Variants in CACNA2D3 observed in about 807,000 individuals in gnomAD.
CACNA2D3 encodes the protein calcium voltage-gated channel auxiliary subunit alpha2delta 3.
In CACNA2D3, 60 loss-of-function variants were observed where a neutral mutation model predicts 160.6. The observed-to-expected ratio is 0.37, with a 90% confidence interval of 0.30 to 0.46. CACNA2D3 has a LOEUF of 0.46. Ranked by LOEUF, CACNA2D3 falls within the 20% of genes least tolerant of loss-of-function variation. The pLI is 1.00. For synonymous variants in CACNA2D3, 558 were observed against 492.9 expected, an observed-to-expected ratio of 1.13 and a Z score of -1.75; for missense variants, 1,205 against 1,365.0, an observed-to-expected ratio of 0.88 and a Z score of 1.85.
At chr3:54,740,504 G>T (rs1701628394) in intron 11 of CACNA2D3, among the ~76,000 whole-genome samples, 1 of 152,044 alleles carries the variant, frequency 6.6e-6, no homozygotes, top group Admixed American at 6.6e-5. Context: ...GTCCCTGGAA[G>T]GGCAAGAGGT....
At chr3:54,572,940 T>C (rs538046641) in intron 8 of CACNA2D3, among the ~76,000 whole-genome samples, 9 of 152,316 alleles carry the variant, frequency 5.9e-5, no homozygotes, top group African/African-American at 2.2e-4. Flanking sequence ...ATTGAAATAA[T>C]CTATGTAAGT....
At chr3:54,361,325 G>T (rs1698739612) in intron 3 of CACNA2D3, among the ~76,000 whole-genome samples, 1 of 152,010 alleles carries the variant, frequency 6.6e-6, no homozygotes, top group Non-Finnish European at 1.5e-5. Context: ...AACAAAGCAG[G>T]CTAGGCTGGT....
At chr3:54,466,011 C>A (rs1700617853) in intron 4 of CACNA2D3, among the ~76,000 whole-genome samples, 1 of 152,104 alleles carries the variant, frequency 6.6e-6, no homozygotes, top group African/African-American at 2.4e-5. Flanking sequence ...TGCATGTGGT[C>A]CCCTCCACCT....
intron 10 of CACNA2D3, among the ~76,000 whole-genome samples, chr3:54,630,464 G>C (rs1699211262): frequency 6.6e-6 from 1 of 152,182 alleles, no homozygotes; most frequent in African/African-American, 2.4e-5. Flanking sequence ...CATGGGGGTT[G>C]TGGTCAAGGT....
At position 54,462,769 on chromosome 3, in the gene CACNA2D3, A is replaced by G. The variant is rs12632428; in HGVS notation, c.382-40723A>G. On this transcript the variant is annotated intron_variant, in intron 4 of 37. Coordinates refer to ENST00000474759, the MANE Select transcript of CACNA2D3 (RefSeq NM_018398.3). Reference sequence around the variant, plus strand: ...GTCTTTTAATTGGAGCATTTAGTCCATTTGCATTTAAAGTTAATATTGTTG... The same window carrying G: ...GTCTTTTAATTGGAGCATTTAGTCCGTTTGCATTTAAAGTTAATATTGTTG... Among the ~76,000 whole-genome samples, 527 of 152,002 alleles carry G rather than the reference A, an allele frequency of 3.5e-3. 5 individuals are homozygous for G. The highest frequency in any genetic ancestry group is 0.015 in the East Asian group (79 of 5,156).
chr3:54,877,691 T>A (rs1048528796), intron 18 of CACNA2D3, among the ~76,000 whole-genome samples: 1 of 152,170 alleles, frequency 6.6e-6, no homozygotes, highest in African/African-American at 2.4e-5. Flanking sequence ...GACCCTGGCC[T>A]TGGACACTCC....
Position 54,868,446 on chromosome 3 carries a change from A to G in CACNA2D3, c.1627-3093A>G, listed in dbSNP as rs573650335. On this transcript the variant is annotated intron_variant, in intron 17 of 37. Transcript: ENST00000474759. Reference sequence around the variant, plus strand: ...GGGCTAGTATGATGGGAAATCTTTTATTCCATCACTCTCTAATCATTCCAA... The same window carrying G: ...GGGCTAGTATGATGGGAAATCTTTTGTTCCATCACTCTCTAATCATTCCAA... Among the ~76,000 whole-genome samples, 4 of 152,284 alleles carry G rather than the reference A, an allele frequency of 2.6e-5. No homozygotes were observed. In the East Asian group the frequency reaches 5.8e-4, roughly 22 times the overall value.
chr3:54,284,080 A>G (rs1211406162), intron 2 of CACNA2D3, among the ~76,000 whole-genome samples: 1 of 152,100 alleles, frequency 6.6e-6, no homozygotes, highest in Admixed American at 6.5e-5. Flanking sequence ...AAAAACAAAA[A>G]CAAAACAAAA....
intron 35 of CACNA2D3, among the ~76,000 whole-genome samples, chr3:55,069,954 T>A (rs1704762707): frequency 6.6e-6 from 1 of 151,856 alleles, no homozygotes; most frequent in African/African-American, 2.4e-5. Flanking sequence ...TTAATTTATG[T>A]CAGTAAGCTT....
At chr3:54,714,198 C>T (rs1024432955) in intron 11 of CACNA2D3, among the ~76,000 whole-genome samples, 1 of 152,130 alleles carries the variant, frequency 6.6e-6, no homozygotes, top group Non-Finnish European at 1.5e-5. Context: ...ATTTTGATGT[C>T]ACTGGGCCTG....
intron 35 of CACNA2D3, among the ~76,000 whole-genome samples, chr3:55,044,307 A>G (rs184432554): frequency 1.3e-5 from 2 of 152,142 alleles, no homozygotes; most frequent in African/African-American, 4.8e-5. Flanking sequence ...TTTTCAATAT[A>G]ATGATTTTTC....
At chr3:54,700,201 T>G (rs1439640537) in intron 11 of CACNA2D3, among the ~76,000 whole-genome samples, 1 of 152,232 alleles carries the variant, frequency 6.6e-6, no homozygotes, top group Non-Finnish European at 1.5e-5. Context: ...ACTTTCACCT[T>G]CACGACTCAT....
At chr3:54,864,464 G>A (rs180887977) in intron 17 of CACNA2D3, among the ~76,000 whole-genome samples, 1 of 152,096 alleles carries the variant, frequency 6.6e-6, no homozygotes, top group Non-Finnish European at 1.5e-5. Flanking sequence ...GGTAGAGATG[G>A]GTTTTTGCCA....
At chr3:54,174,182 A>G (rs1013328719) in intron 2 of CACNA2D3, among the ~76,000 whole-genome samples, 1 of 152,194 alleles carries the variant, frequency 6.6e-6, no homozygotes, top group African/African-American at 2.4e-5. Context: ...AATTGTAGGA[A>G]ACTATGGCCC....
intron 35 of CACNA2D3, 80 bp from the exon 36 acceptor site, chr3:55,073,365 C>A: frequency 9.9e-7 from 1 of 1,012,816 alleles, no homozygotes; most frequent in Non-Finnish European, 1.5e-6. Context: ...TAGTTGCTAC[C>A]ACCCAGGAGA....
At chr3:55,011,522 CAGAA>C (rs1392854049) in intron 34 of CACNA2D3, among the ~76,000 whole-genome samples, 13 of 152,002 alleles carry the variant, frequency 8.6e-5, no homozygotes, top group Non-Finnish European at 1.9e-4. Context: ...AACCCATCCA[CAGAA>C]AGAAAAATGA....
chr3:54,677,915 T>A (rs1324194784), intron 11 of CACNA2D3, among the ~76,000 whole-genome samples: 1 of 151,910 alleles, frequency 6.6e-6, no homozygotes, highest in Non-Finnish European at 1.5e-5. Context: ...GGAGGGAAAG[T>A]TGAGTTACCT....
At chr3:54,136,368 C>T (rs906084708) in intron 2 of CACNA2D3, among the ~76,000 whole-genome samples, 1 of 152,240 alleles carries the variant, frequency 6.6e-6, no homozygotes, top group South Asian at 2.1e-4. Flanking sequence ...CAAATGCTTT[C>T]TTTTGGGTAG....
At chr3:54,753,459 A>G (rs957405810) in intron 12 of CACNA2D3, among the ~76,000 whole-genome samples, 4 of 152,210 alleles carry the variant, frequency 2.6e-5, no homozygotes, top group Non-Finnish European at 5.9e-5. Context: ...CATGGTCCAG[A>G]CAGAACAGTC....
Sources: gnomAD v4.1 joint callset for allele counts (sites outside exome capture counted in the v4.1 genomes callset) on GRCh38, gnomAD v4.1.1 for gene constraint, MANE v1.5 for transcripts, NCBI Gene and HGNC (gene_info 2026-07-23, HGNC 2026-07-21) for gene names.